Variants in RALGDS observed in about 807,000 individuals in gnomAD.
The protein encoded by RALGDS is ral guanine nucleotide exchange factor.
In RALGDS, 44 loss-of-function variants were observed where a neutral mutation model predicts 99.8. The observed-to-expected ratio is 0.44, with a 90% confidence interval of 0.35 to 0.57. RALGDS has a LOEUF of 0.57. RALGDS is among the 20% of genes least tolerant of loss of function. The pLI, the probability that RALGDS is intolerant of heterozygous loss-of-function variation, is 0.01. For missense variants in RALGDS, 1,022 were observed against 1,203.1 expected (o/e 0.85, Z 2.23); for synonymous variants, 529 against 505.0 (o/e 1.05, Z -0.64).
At chr9:133,118,774 T>C (rs912821158) in intron 1 of RALGDS, among the ~76,000 whole-genome samples, 2 of 152,224 alleles carry the variant, frequency 1.3e-5, no homozygotes, top group African/African-American at 2.4e-5. Flanking sequence ...TGGTGGCTCC[T>C]GCACACAGTA....
At chr9:133,115,554 G>A (rs956762908) in intron 1 of RALGDS, among the ~76,000 whole-genome samples, 1 of 152,194 alleles carries the variant, frequency 6.6e-6, no homozygotes, top group African/African-American at 2.4e-5. Context: ...GCAGCTCCCT[G>A]TCTCTCGCTG....
At chr9:133,129,237 A>G (rs755702013) in intron 1 of RALGDS, 1 of 1,597,262 alleles carries the variant, frequency 6.3e-7, no homozygotes, top group Non-Finnish European at 8.5e-7. Flanking sequence ...GTCACCACAG[A>G]GACACAGGCA....
intron 1 of RALGDS, among the ~76,000 whole-genome samples, chr9:133,112,649 G>C (rs959701029): frequency 2.6e-5 from 4 of 152,150 alleles, no homozygotes; most frequent in African/African-American, 9.6e-5. Flanking sequence ...AGGCCCATGG[G>C]CATCCTCACA....
intron 1 of RALGDS, among the ~76,000 whole-genome samples, chr9:133,146,165 C>T (rs747349137): frequency 1.3e-5 from 2 of 150,370 alleles, no homozygotes; most frequent in African/African-American, 2.4e-5. Context: ...CTTCCAATGG[C>T]TCCCATGATG....
intron 11 of RALGDS, among the ~76,000 whole-genome samples, 193 bp from the exon 12 acceptor site, chr9:133,103,455 G>A (rs539813975): frequency 3.3e-5 from 5 of 152,274 alleles, no homozygotes; most frequent in African/African-American, 1.2e-4. Context: ...CAGCACTCTC[G>A]GAGGACAATG....
In RALGDS at chr9:133,102,847, G is replaced by A. The variant is rs1830825950; in HGVS notation, c.1845C>T (p.Tyr615=). The A allele has an allele frequency of 1.2e-6, 2 of 1,613,728 alleles. No individual in the cohort carries two copies. The highest frequency in any genetic ancestry group is 1.1e-5 in the South Asian group (1 of 90,998). The change falls in exon 13 of 18, where the codon TAC becomes TAT. Residue 615 remains tyrosine, a synonymous_variant. Transcript: ENST00000372050. ...IKLLQSACNN[Y]SIAPDEQFGA... ...CAAATTGCTCATCTGGCGCGATGCT[G>A]TAGTTGTTGCAGGCCGACTGCAGCA...
At chr9:133,148,731 G>A (rs1200960573) in intron 1 of RALGDS, among the ~76,000 whole-genome samples, 5 of 152,226 alleles carry the variant, frequency 3.3e-5, no homozygotes, top group Non-Finnish European at 7.3e-5. Flanking sequence ...CTAAGAGGCC[G>A]GAACCCTCCC....
chr9:133,131,245 G>C (rs1049899193), upstream of RALGDS: 14 of 989,096 alleles, frequency 1.4e-5, no homozygotes, highest in Non-Finnish European at 1.9e-5. Flanking sequence ...GCCACCCTCA[G>C]GGTGGAGACT....
intron 1 of RALGDS, among the ~76,000 whole-genome samples, chr9:133,138,912 G>C (rs371642149): frequency 6.6e-6 from 1 of 152,158 alleles, no homozygotes; most frequent in African/African-American, 2.4e-5. Context: ...GGGAGTACAG[G>C]CATGAGCCAC....
chr9:133,124,189 GACCC>G (rs1204521402), upstream of RALGDS, among the ~76,000 whole-genome samples: 264 of 125,808 alleles, frequency 2.1e-3, 1 homozygote, highest in African/African-American at 7.7e-3. Context: ...CACACACACA[GACCC>G]ACAGAGACAC....
chr9:133,136,314 G>A (rs746713583), intron 1 of RALGDS, among the ~76,000 whole-genome samples: 23 of 152,366 alleles, frequency 1.5e-4, no homozygotes, highest in South Asian at 1.2e-3. Context: ...AGGGGGCAGC[G>A]CGGGTATGGA....
At chr9:133,118,281 T>C (rs903214975) in intron 1 of RALGDS, among the ~76,000 whole-genome samples, 1 of 152,190 alleles carries the variant, frequency 6.6e-6, no homozygotes, top group African/African-American at 2.4e-5. Context: ...TCATGAGCCC[T>C]GGGGATTAAA....
rs1009610520 is a variant in RALGDS, at chr9:133,136,375, C to T, written c.18+12588G>A. The stretch of plus-strand genomic sequence containing the variant: ...CACCTTGGCCGGGCGCGGTGGCTCA[C>T]GCCTGTAATCCCAGCACTTTGGGAG... On this transcript the variant is annotated intron_variant, in intron 1 of 17. Transcript: ENST00000393160. Among the ~76,000 whole-genome samples the T allele has an allele frequency of 1.3e-3, 193 of 152,298 alleles. 1 individual carries two copies. Among genetic ancestry groups the T allele is most frequent in the African/African-American group, 4.1e-3 (169 of 41,566 alleles).
At chr9:133,109,984 C>T (rs1564237438) in intron 3 of RALGDS, among the ~76,000 whole-genome samples, 1 of 152,152 alleles carries the variant, frequency 6.6e-6, no homozygotes, top group Admixed American at 6.5e-5. Flanking sequence ...AAAACTGCTT[C>T]GCCCAAGGCC....
intron 1 of RALGDS, among the ~76,000 whole-genome samples, chr9:133,128,503 C>T (rs1330070840): frequency 6.6e-6 from 1 of 152,210 alleles, no homozygotes; most frequent in Non-Finnish European, 1.5e-5. Context: ...CCATGATCTC[C>T]CCTCCTGGAG....
intron 16 of RALGDS, chr9:133,101,123 G>A (rs751570048): frequency 1.6e-4 from 182 of 1,125,992 alleles, no homozygotes; most frequent in South Asian, 1.8e-4. Context: ...TTGCCACAGC[G>A]GCCTCCTAAC....
Position 133,102,766 on chromosome 9 carries a change from GC to G in RALGDS, c.1913+12del, listed in dbSNP as rs1830821795. ...CCTGCCCCCACTGTCCCCATTTGCT[GC>G]CCCGGCCTCACCTCTCAGTCTCGCT... On this transcript the variant is annotated intron_variant, in intron 13 of 17. Transcript: ENST00000372050. 19 of 1,608,710 alleles carry G rather than the reference GC, an allele frequency of 1.2e-5. No homozygotes were observed. The highest frequency in any genetic ancestry group is 1.6e-5 in the Non-Finnish European group (19 of 1,178,784).
intron 1 of RALGDS, among the ~76,000 whole-genome samples, chr9:133,113,271 C>G (rs977236507): frequency 6.6e-6 from 1 of 152,218 alleles, no homozygotes; most frequent in Non-Finnish European, 1.5e-5. Context: ...GCCTGGCAGA[C>G]AGTGCTGACT....
rs771067361 is a variant in RALGDS, at chr9:133,104,324, G to A, written c.1610C>T (p.Thr537Ile). ...LSRELLIKEG[T>I]SKFATLEMNP... is the part of the protein sequence containing the mutation. ...CATCTCCAGGGTGGCAAACTTGGAG[G>A]TGCCCTCCTGCCAGGGTAGAGGACA... Residue 537 changes from threonine (T) to isoleucine (I), a missense_variant, in exon 10 of 18, where the codon ACC becomes ATC. Transcript: ENST00000372050. 4.3e-6 allele frequency: 7 copies of A among 1,612,738 alleles called. No homozygotes were observed. The highest frequency in any genetic ancestry group is 1.6e-4 in the Middle Eastern group (1 of 6,074).
Sources: gnomAD v4.1 joint callset for allele counts (sites outside exome capture counted in the v4.1 genomes callset) on GRCh38, gnomAD v4.1.1 for gene constraint, MANE v1.5 for transcripts, NCBI Gene and HGNC (gene_info 2026-07-23, HGNC 2026-07-21) for gene names.